Variants in PSTK observed in about 807,000 individuals in gnomAD.
PSTK encodes L-seryl-tRNA(Sec) kinase.
Under a neutral mutation model 38.6 loss-of-function variants are expected in PSTK, and 26 were observed. The observed-to-expected ratio is 0.67, with a 90% CI of 0.49 to 0.94. The LOEUF (loss-of-function observed/expected upper bound fraction) is 0.94, where lower values mean the gene tolerates loss of function less well. Among genes scored for constraint, PSTK ranks in the 40% least tolerant of loss-of-function variants. The pLI, the probability that PSTK is intolerant of heterozygous loss-of-function variation, is 0.00. For synonymous variants in PSTK, 181 were observed against 161.7 expected, an observed-to-expected ratio of 1.12 and a Z score of -0.91; for missense variants, 445 against 436.3, an observed-to-expected ratio of 1.02 and a Z score of -0.18.
chr10:122,981,102 C>T (rs1379958260), intron 1 of PSTK, among the ~76,000 whole-genome samples: 1 of 152,200 alleles, frequency 6.6e-6, no homozygotes, highest in African/African-American at 2.4e-5. Context: ...AGTTCTAAAA[C>T]TTGAACGTCT....
At chr10:122,985,824 C>CTT (rs1849024326) in intron 3 of PSTK, 1 of 152,270 alleles carries the variant, frequency 6.6e-6, no homozygotes, top group African/African-American at 2.4e-5. Context: ...TGGAAGCTAG[C>CTT]TTCTAAATCA....
At chr10:122,987,093 A>G (rs1213258955) in intron 5 of PSTK, 131 bp downstream of exon 5, 6 of 874,432 alleles carry the variant, frequency 6.9e-6, no homozygotes, top group East Asian at 2.6e-5. Flanking sequence ...TAATTATGCA[A>G]TTTGACTAAA....
intron 5 of PSTK, 74 bp from the exon 6 acceptor site, chr10:122,990,100 A>G: frequency 2.0e-6 from 2 of 987,170 alleles, no homozygotes; most frequent in Non-Finnish European, 3.0e-6. Flanking sequence ...AATCAAATTA[A>G]TTTCCTAATG....
chr10:122,985,165 C>G (rs183638815), intron 3 of PSTK: 1 of 152,358 alleles, frequency 6.6e-6, no homozygotes, highest in Non-Finnish European at 1.5e-5. Context: ...TTCTGCCACT[C>G]TCCTCCTGGC....
intron 5 of PSTK, 143 bp downstream of exon 5, chr10:122,987,105 G>GT: frequency 1.1e-6 from 1 of 882,222 alleles, no homozygotes; most frequent in Non-Finnish European, 1.8e-6. Flanking sequence ...TTGACTAAAT[G>GT]TAACTAAAAA....
intron 3 of PSTK, chr10:122,986,039 T>A (rs892198042): frequency 4.8e-6 from 1 of 206,396 alleles, no homozygotes; most frequent in Non-Finnish European, 9.7e-6. Context: ...GCTAACACGG[T>A]GAAACCCCAT....
intron 1 of PSTK, 45 bp from the exon 2 acceptor site, chr10:122,982,688 A>G: frequency 6.3e-7 from 1 of 1,576,722 alleles, no homozygotes; most frequent in Non-Finnish European, 8.7e-7. Flanking sequence ...ATGACTGACC[A>G]CCCTAGTGGC....
intron 2 of PSTK, 37 bp downstream of exon 2, chr10:122,983,061 C>T: frequency 6.5e-7 from 1 of 1,532,670 alleles, no homozygotes; most frequent in Non-Finnish European, 8.9e-7. Context: ...CATGGAGATA[C>T]TTATTCACGT....
In PSTK at chr10:122,982,974, A is replaced by G. The variant is rs1255141810; in HGVS notation, c.458A>G (p.Asn153Ser). 3 of 1,614,020 alleles carry G rather than the reference A, an allele frequency of 1.9e-6. No homozygotes were observed. The highest frequency in any genetic ancestry group is 2.5e-6 in the Non-Finnish European group (3 of 1,180,012). ...SRPLFLVLDDNFYYQSMRYEV... is the reference protein window; with the variant it reads ...SRPLFLVLDDSFYYQSMRYEV... ...CCTTTGTTTTTGGTTTTGGATGACA[A>G]TTTTTATTATCAGAGTATGAGATAT... The change falls in exon 2 of 6, where the codon AAT (asparagine) becomes AGT (serine). Residue 153 changes from asparagine to serine, a missense_variant. Physicochemically the swap from Asn to Ser is conservative, Grantham distance 46. Coordinates refer to ENST00000406217, the MANE Select transcript of PSTK (RefSeq NM_001363531.2).
At position 122,990,175 on chromosome 10, in the gene PSTK, TGAAC is replaced by T; in HGVS notation, c.880_883del (p.Glu294LysfsTer7). 6.6e-7 allele frequency: 1 copy of T among 1,513,312 alleles called. No homozygotes were observed. Among genetic ancestry groups the T allele is most frequent in the Admixed American group, 2.5e-5 (1 of 39,234 alleles). 93.7% of individuals were successfully genotyped at this position (1,513,312 alleles called of 1,614,324 possible). ...TTTGAGAATATCTTTTTATTTTAGA[TGAAC>T]AAGTGCTTCCTCACAACTTGAAGCT... is the stretch of plus-strand genomic sequence containing the variant. On this transcript the variant is annotated frameshift_variant and splice_region_variant, in exon 6 of 6. Coordinates refer to ENST00000406217, the MANE Select transcript of PSTK (RefSeq NM_001363531.2). LOFTEE classifies it high-confidence loss of function.
intron 1 of PSTK, chr10:122,981,837 T>C (rs1848962584): frequency 6.6e-6 from 1 of 152,256 alleles, no homozygotes; most frequent in Non-Finnish European, 1.5e-5. Context: ...TGTTGTTTTT[T>C]CCACGCTTTT....
intron 5 of PSTK, among the ~76,000 whole-genome samples, chr10:122,988,751 T>G (rs1237842381): frequency 6.6e-6 from 1 of 152,180 alleles, no homozygotes; most frequent in Non-Finnish European, 1.5e-5. Context: ...TGTAGAAATG[T>G]TAGGAATGTC....
chr10:122,983,106 C>T, intron 2 of PSTK, 82 bp downstream of exon 2: 1 of 1,349,840 alleles, frequency 7.4e-7, no homozygotes, highest in Non-Finnish European at 1.0e-6. Context: ...GAGAATTTAA[C>T]TTGATTAGGA....
Position 122,980,529 on chromosome 10 carries a change from A to G in PSTK, c.50A>G (p.Lys17Arg), listed in dbSNP as rs775070664. Residue 17 changes from lysine to arginine, a missense_variant, in exon 1 of 6, where the codon AAA becomes AGA. Coordinates refer to ENST00000406217, the MANE Select transcript of PSTK (RefSeq NM_001363531.2). This position sits in a 1 kb window ranked among gnomAD's most constrained non-coding sequence, Gnocchi z 4.3. ...IRGTGSDGPR[K>R]RGLCVLCGLP... Reference sequence around the variant, plus strand: ...GGAACCGGCAGCGACGGGCCGCGGAAACGAGGCCTCTGCGTCCTCTGTGGC... The same window carrying G: ...GGAACCGGCAGCGACGGGCCGCGGAGACGAGGCCTCTGCGTCCTCTGTGGC... 1 of 1,609,912 alleles carries G rather than the reference A, an allele frequency of 6.2e-7. No homozygotes were observed. The highest frequency in any genetic ancestry group is 8.5e-7 in the Non-Finnish European group (1 of 1,179,340).
intron 3 of PSTK, chr10:122,984,913 G>A (rs1392794738): frequency 6.6e-6 from 1 of 152,224 alleles, no homozygotes; most frequent in African/African-American, 2.4e-5. Context: ...CTGAGGCCCA[G>A]ATAAGTAAAG....
chr10:122,986,003 GAGGTC>G (rs1255025551), intron 3 of PSTK: 5 of 164,534 alleles, frequency 3.0e-5, no homozygotes, highest in Non-Finnish European at 5.2e-5. Flanking sequence ...GGTGGATCAC[GAGGTC>G]AGGAGATCTA....
intron 1 of PSTK, 105 bp from the exon 2 acceptor site, chr10:122,982,628 C>A (rs111660171): frequency 1.1e-6 from 1 of 878,788 alleles, no homozygotes; most frequent in East Asian, 2.5e-5. Flanking sequence ...CAGATGGTTC[C>A]GTATTGTGAG....
intron 5 of PSTK, chr10:122,987,550 ATGGAAT>A: frequency 6.3e-7 from 1 of 1,597,610 alleles, no homozygotes; most frequent in African/African-American, 1.3e-5. Flanking sequence ...TAAGATCAGC[ATGGAAT>A]TTGAGTAAAG....
chr10:122,980,681 A>G lies in PSTK; in HGVS notation c.202A>G (p.Arg68Gly), dbSNP rs1248015256. The G allele has an allele frequency of 2.1e-6, 3 of 1,458,102 alleles. No individual in the cohort carries two copies. The highest frequency in any genetic ancestry group is 1.9e-5 in the Admixed American group (1 of 52,708). 90.3% of individuals were successfully genotyped at this position (1,458,102 alleles called of 1,614,324 possible). A position where few individuals can be genotyped will look rare whatever the true frequency, so the allele number is the denominator to read the frequency against. ...VMPDAFLAGA[R>G]ARPAPSQWKL... ...GCCCGACGCGTTTCTCGCCGGGGCA[A>G]GAGCGCGACCGGCGGTCAGCACGGA... The change falls in exon 1 of 6, where the codon AGA (arginine) becomes GGA (glycine). Residue 68 changes from arginine to glycine, a missense_variant. Physicochemically the swap from Arg to Gly is moderately radical, Grantham distance 125. Coordinates refer to ENST00000406217, the MANE Select transcript of PSTK (RefSeq NM_001363531.2). This position sits in a 1 kb window ranked among gnomAD's most constrained non-coding sequence, Gnocchi z 4.3.
Sources: gnomAD v4.1 joint callset for allele counts (sites outside exome capture counted in the v4.1 genomes callset) on GRCh38, gnomAD v4.1.1 for gene constraint, Gnocchi (gnomAD v3.1) non-coding constraint, MANE v1.5 for transcripts, NCBI Gene and HGNC (gene_info 2026-07-23, HGNC 2026-07-21) for gene names.